The following USP39 variants were observed in gnomAD, a reference collection of about 807,000 sequenced individuals.
USP39 encodes the protein ubiquitin specific peptidase 39.
USP39 carries 38 observed loss-of-function variants against 66.4 expected under a neutral mutation model. That is an observed-to-expected ratio of 0.57 (90% CI 0.44 to 0.75). The LOEUF is 0.75. Ranked by LOEUF, USP39 falls within the 30% of genes least tolerant of loss-of-function variation. The probability of loss-of-function intolerance (pLI) is 0.00; values close to 1 mark genes in which losing one functional copy is unlikely to be tolerated. For missense variants in USP39, 608 were observed against 714.4 expected, an observed-to-expected ratio of 0.85 and a Z score of 1.70; for synonymous variants, 303 against 274.6, an observed-to-expected ratio of 1.10 and a Z score of -1.02.
rs1434208392 is a variant in USP39, at chr2:85,648,944, G to T, written c.*136G>T. On this transcript the variant is annotated 3_prime_UTR_variant, in exon 13 of 13. Coordinates refer to ENST00000323701, the MANE Select transcript of USP39 (RefSeq NM_006590.4). ...GCTTGTATGGGTTCTGGCTACACCAGAGCACCAAGAGCCCACTTGCCTGGG... is the reference window on the plus strand; with the variant it reads ...GCTTGTATGGGTTCTGGCTACACCATAGCACCAAGAGCCCACTTGCCTGGG... The T allele has an allele frequency of 6.3e-6, 6 of 945,030 alleles. No homozygotes were observed. The African/African-American group carries it at 1.0e-4, about 16-fold the overall frequency. 58.5% of individuals were successfully genotyped at this position (945,030 alleles called of 1,614,324 possible). A position where few individuals can be genotyped will look rare whatever the true frequency, so the allele number is the denominator to read the frequency against.
upstream of USP39, chr2:85,611,630 G>T: frequency 6.4e-7 from 1 of 1,563,250 alleles, no homozygotes; most frequent in East Asian, 2.4e-5. Context: ...TGCAGGAAGA[G>T]CGCGCGGGCT....
intron 4 of USP39, among the ~76,000 whole-genome samples, chr2:85,624,028 G>A (rs764203757): frequency 6.6e-6 from 1 of 152,166 alleles, no homozygotes; most frequent in Non-Finnish European, 1.5e-5. Context: ...AGAAATATGG[G>A]TGTATTCTGA....
chr2:85,627,510 G>T (rs1255535043), intron 5 of USP39, among the ~76,000 whole-genome samples: 3 of 152,060 alleles, frequency 2.0e-5, no homozygotes, highest in African/African-American at 7.2e-5. Flanking sequence ...ATTGTAAGGG[G>T]CTGGGCATGG....
At chr2:85,618,235 C>T (rs1674147964) in intron 1 of USP39, among the ~76,000 whole-genome samples, 2 of 150,416 alleles carry the variant, frequency 1.3e-5, no homozygotes, top group South Asian at 4.4e-4. Flanking sequence ...GGATTACAGG[C>T]ATGAGCCACT....
intron 4 of USP39, among the ~76,000 whole-genome samples, chr2:85,624,879 C>T (rs1427434507): frequency 2.0e-5 from 3 of 151,026 alleles, no homozygotes; most frequent in African/African-American, 7.3e-5. Context: ...AGGAGAGTTG[C>T]TTGAATCTGG....
At chr2:85,628,393 C>T (rs1015957108) in intron 5 of USP39, among the ~76,000 whole-genome samples, 9 of 152,212 alleles carry the variant, frequency 5.9e-5, no homozygotes, top group Admixed American at 1.3e-4. Context: ...GATCTGCTCG[C>T]CTCGGCCTCC....
At chr2:85,621,384 G>A (rs1380562160) in intron 2 of USP39, 101 bp from the exon 3 acceptor site, 1 of 951,806 alleles carries the variant, frequency 1.1e-6, no homozygotes, top group Non-Finnish European at 1.7e-6. Context: ...GTTTTCTGAA[G>A]GATGTTATGT....
At position 85,605,673 on chromosome 2, in the gene USP39, AAAG is replaced by A. The variant is rs1323698044; in HGVS notation, n.226+2593_226+2595del. 2.6e-5 allele frequency among the ~76,000 whole-genome samples: 4 copies of A among 152,360 alleles called. No individual in the cohort carries two copies. In the East Asian group the frequency reaches 7.7e-4, roughly 29 times the overall value. ...TGTACTTATTCCTCTTTCTGCACAC[AAAG>A]CCCTCATTTAAATTTGTGAGCCTGC... On this transcript the variant is annotated intron_variant and non_coding_transcript_variant, in intron 1 of 12. Coordinates refer to the USP39 transcript ENST00000459775.
chr2:85,635,711 C>A (rs554968170), intron 6 of USP39, among the ~76,000 whole-genome samples: 2 of 152,162 alleles, frequency 1.3e-5, no homozygotes, highest in African/African-American at 4.8e-5. Context: ...AGACAGGAAT[C>A]TTCATGAGCT....
upstream of USP39, chr2:85,609,341 T>C (rs542754303): frequency 2.9e-5 from 44 of 1,512,930 alleles, no homozygotes; most frequent in Admixed American, 1.4e-4. Context: ...ACGCTTCCCA[T>C]TGGGGGTCCT....
upstream of USP39, chr2:85,608,800 G>A (rs1257699167): frequency 2.1e-6 from 2 of 971,342 alleles, no homozygotes; most frequent in Non-Finnish European, 3.0e-6. Context: ...CAGGCCAGGT[G>A]TAGTCCTGCA....
chr2:85,629,763 C>T (rs1675182909), intron 5 of USP39, among the ~76,000 whole-genome samples: 1 of 152,146 alleles, frequency 6.6e-6, no homozygotes, highest in African/African-American at 2.4e-5. Flanking sequence ...TCCCAAAGTG[C>T]TGGGATTACA....
intron 3 of USP39, among the ~76,000 whole-genome samples, chr2:85,623,387 A>T (rs1243897075): frequency 2.0e-5 from 3 of 150,280 alleles, no homozygotes; most frequent in African/African-American, 4.9e-5. Context: ...TTTTACATAT[A>T]TATTAAAAAA....
chr2:85,610,910 C>CA (rs1437686618), upstream of USP39: 1 of 148,240 alleles, frequency 6.7e-6, no homozygotes, highest in African/African-American at 2.5e-5. Context: ...AGGCGCCCAC[C>CA]ACCACGCCCG....
At chr2:85,615,816 G>A (rs1291677241), upstream of USP39, among the ~76,000 whole-genome samples, 1 of 152,150 alleles carries the variant, frequency 6.6e-6, no homozygotes, top group African/African-American at 2.4e-5. Context: ...TTTTAGTAGA[G>A]ACGGGGTTTC....
intron 5 of USP39, among the ~76,000 whole-genome samples, chr2:85,628,742 ATCC>A (rs1675075732): frequency 6.6e-6 from 1 of 152,156 alleles, no homozygotes; most frequent in African/African-American, 2.4e-5. Context: ...AACTTTGTCC[ATCC>A]TCTTGTTTTG....
chr2:85,648,803 G>T lies in USP39; in HGVS notation c.1693G>T (p.Ala565Ser). The T allele has an allele frequency of 6.2e-7, 1 of 1,614,170 alleles. No homozygotes were observed. The highest frequency in any genetic ancestry group is 1.1e-5 in the South Asian group (1 of 91,086). ...RDNDETNQQG[A>S] ...TAATGATGAAACCAACCAGCAGGGG[G>T]CTTGAAGGAGGCGTCTAGGGCTTTG... Residue 565 changes from alanine (A) to serine (S), a missense_variant, in exon 13 of 13, where the codon GCT (alanine) becomes TCT (serine). Around this residue, in one of 6 missense-constraint regions of USP39, gnomAD observed 164 missense variants for 250.3 expected, o/e 0.66. Coordinates refer to ENST00000323701, the MANE Select transcript of USP39 (RefSeq NM_006590.4).
upstream of USP39, chr2:85,612,304 A>G (rs997013245): frequency 2.6e-6 from 4 of 1,535,734 alleles, no homozygotes; most frequent in African/African-American, 5.5e-5. Flanking sequence ...AGAAAAATGC[A>G]AATCATCTAT....
upstream of USP39, chr2:85,608,878 T>A: frequency 6.3e-7 from 1 of 1,591,822 alleles, no homozygotes; most frequent in Non-Finnish European, 8.6e-7. Flanking sequence ...ACCCCCACAC[T>A]AAATTCCCTG....
Sources: allele counts gnomAD v4.1 joint callset (sites outside exome capture counted in the v4.1 genomes callset), GRCh38; gene constraint gnomAD v4.1.1; regional missense constraint gnomAD v4.1.1; transcripts MANE v1.5; gene names NCBI Gene and HGNC (gene_info 2026-07-23, HGNC 2026-07-21).